Variants in HABP4 observed in about 807,000 individuals in gnomAD.
The protein encoded by HABP4 is hyaluronan binding protein 4, also known as intracellular hyaluronan-binding protein 4.
A neutral mutation model predicts 44.1 loss-of-function variants in HABP4; 32 were observed. The ratio of observed to expected loss-of-function variants is 0.73; its 90% confidence interval spans 0.55 to 0.97. The LOEUF (loss-of-function observed/expected upper bound fraction) is 0.97, where lower values mean the gene tolerates loss of function less well. HABP4 is among the 50% of genes least tolerant of loss of function. HABP4 has a pLI of 0.00. For missense variants in HABP4, 503 were observed against 561.9 expected, an observed-to-expected ratio of 0.90 and a Z score of 1.06; for synonymous variants, 216 against 218.0, an observed-to-expected ratio of 0.99 and a Z score of 0.08.
intron 5 of HABP4, among the ~76,000 whole-genome samples, chr9:96,478,791 C>A (rs146610780): frequency 4.6e-5 from 7 of 151,760 alleles, no homozygotes; most frequent in African/African-American, 1.7e-4. Flanking sequence ...CTCCTGATGT[C>A]CAGCTTATTT....
rs1356568410 is a variant in HABP4 at position 96,458,493 on chromosome 9, A to G, written c.464A>G (p.Glu155Gly). ...TCCTACAGGGAATACCGACCCTATG[A>G]GACAGAGAGGCAGGCAGACTTCACA... ...RRSYREYRPY[E>G]TERQADFTAE... The change falls in exon 2 of 8, where the codon GAG becomes GGG. Residue 155 changes from glutamate to glycine, a missense_variant. This residue lies in a region of HABP4 where 290 missense variants were observed against 300.5 expected (regional missense o/e 0.97). Transcript: ENST00000375249. 1.2e-6 allele frequency: 2 copies of G among 1,613,500 alleles called. No individual in the cohort carries two copies. The highest frequency in any genetic ancestry group is 1.7e-6 in the Non-Finnish European group (2 of 1,179,498).
At chr9:96,472,117 C>A (rs1035422212) in intron 5 of HABP4, among the ~76,000 whole-genome samples, 4 of 152,062 alleles carry the variant, frequency 2.6e-5, no homozygotes, top group Non-Finnish European at 5.9e-5. Context: ...CATGCGCCTT[C>A]AACTCTCTGG....
At chr9:96,456,775 AAAAAAATATATATATATATATATAT>A (rs1199451791) in intron 1 of HABP4, among the ~76,000 whole-genome samples, 1 of 69,040 alleles carries the variant, frequency 1.4e-5, no homozygotes, top group African/African-American at 6.3e-5. Flanking sequence ...AAAAAAAAAA[AAAAAAATATATATATATATATATAT>A]ATATATATAT....
chr9:96,452,363 A>G (rs746814923), intron 1 of HABP4, among the ~76,000 whole-genome samples: 2 of 152,158 alleles, frequency 1.3e-5, no homozygotes, highest in Non-Finnish European at 2.9e-5. Flanking sequence ...AAAATGTATG[A>G]GGTTAAGTGA....
At position 96,458,502 on chromosome 9, in the gene HABP4, G is replaced by A. The variant is rs758508171; in HGVS notation, c.473G>A (p.Arg158Lys). The stretch of plus-strand genomic sequence containing the variant: ...GAATACCGACCCTATGAGACAGAGA[G>A]GCAGGCAGACTTCACAGCTGAGAAG... Reference protein sequence around the residue: ...YREYRPYETERQADFTAEKFP... With the variant: ...YREYRPYETEKQADFTAEKFP... Residue 158 changes from arginine to lysine, a missense_variant, in exon 2 of 8, where the codon AGG becomes AAG. By Grantham distance (26) the Arg-to-Lys change is conservative. Coordinates refer to ENST00000375249, the MANE Select transcript of HABP4 (RefSeq NM_014282.4). 6 of 1,613,476 alleles carry A rather than the reference G, an allele frequency of 3.7e-6. No homozygotes were observed. In the Admixed American group the frequency reaches 1.0e-4, roughly 27 times the overall value.
intron 5 of HABP4, among the ~76,000 whole-genome samples, chr9:96,471,653 C>T (rs990946257): frequency 2.0e-5 from 3 of 152,126 alleles, no homozygotes; most frequent in Non-Finnish European, 4.4e-5. Context: ...TGTTAAATTC[C>T]TTGACTTGGA....
chr9:96,482,220 G>C (rs1392817246), intron 5 of HABP4, among the ~76,000 whole-genome samples: 2 of 152,160 alleles, frequency 1.3e-5, no homozygotes, highest in Non-Finnish European at 2.9e-5. Flanking sequence ...TTACAGGCTT[G>C]AGCCACTGTG....
rs1832253412 is a variant in HABP4 at position 96,450,600 on chromosome 9, T to A, written c.321T>A (p.Asp107Glu). Residue 107 changes from aspartate (D) to glutamate (E), a missense_variant, in exon 1 of 8, where the codon GAT (aspartate) becomes GAA (glutamate). Physicochemically the swap from Asp to Glu is conservative, Grantham distance 45. Transcript: ENST00000375249. This position sits in a 1 kb window ranked among gnomAD's most constrained non-coding sequence, Gnocchi z 4.8. ...SLPAPVAQRP[D>E]SPGGGLQAPG... The stretch of plus-strand genomic sequence containing the variant: ...CGGCGCCCGTCGCTCAGCGGCCCGA[T>A]AGCCCCGGGGGCGGCCTGCAGGCGC... The A allele has an allele frequency of 2.3e-6, 3 of 1,283,688 alleles. No individual in the cohort carries two copies. The highest frequency in any genetic ancestry group is 3.8e-5 in the Admixed American group (1 of 26,214). The allele number at this position is 1,283,688 out of a possible 1,614,324, so 79.5% of individuals were successfully genotyped here.
intron 5 of HABP4, among the ~76,000 whole-genome samples, chr9:96,480,839 T>G (rs1428826867): frequency 6.6e-6 from 1 of 152,244 alleles, no homozygotes; most frequent in Non-Finnish European, 1.5e-5. Flanking sequence ...ACATTACCAA[T>G]CACGCCAGAA....
intron 1 of HABP4, 34 bp from the exon 2 acceptor site, chr9:96,458,345 G>C: frequency 1.2e-6 from 2 of 1,605,536 alleles, no homozygotes; most frequent in Non-Finnish European, 1.7e-6. Flanking sequence ...CAGATGTTGT[G>C]TTCCAGCTCT....
chr9:96,487,063 C>T (rs1196579195), intron 6 of HABP4, among the ~76,000 whole-genome samples: 2 of 151,802 alleles, frequency 1.3e-5, no homozygotes, highest in East Asian at 3.8e-4. Context: ...TTTTTCTTCA[C>T]CTTTTTAGCA....
At chr9:96,471,488 C>T (rs1832697778) in intron 5 of HABP4, among the ~76,000 whole-genome samples, 1 of 152,054 alleles carries the variant, frequency 6.6e-6, no homozygotes, top group African/African-American at 2.4e-5. Flanking sequence ...AATCTCAACC[C>T]CTTATCCTAT....
chr9:96,463,707 G>A (rs766944361), intron 2 of HABP4, among the ~76,000 whole-genome samples: 6 of 152,176 alleles, frequency 3.9e-5, no homozygotes, highest in Non-Finnish European at 5.9e-5. Context: ...CTGGCATGAC[G>A]TTAATGATCA....
upstream of HABP4, chr9:96,450,152 T>G (rs2131103453): frequency 3.9e-4 from 332 of 858,798 alleles, no homozygotes; most frequent in East Asian, 1.0e-3. The surrounding 1 kb of genome is among the most constrained non-coding windows in gnomAD (Gnocchi z 4.8). Context: ...CGGGCGCCGG[T>G]AGGGGCCGGA....
chr9:96,475,311 G>A (rs965757409), intron 5 of HABP4, among the ~76,000 whole-genome samples: 1 of 149,742 alleles, frequency 6.7e-6, no homozygotes, highest in Admixed American at 6.7e-5. Flanking sequence ...AGGAGGTGGA[G>A]CTTGCAGTGA....
In HABP4 at chr9:96,488,042, G is replaced by A. The variant is rs1833005518; in HGVS notation, c.1000-47G>A. 2.3e-6 allele frequency: 3 copies of A among 1,326,624 alleles called. No individual in the cohort carries two copies. The highest frequency in any genetic ancestry group is 3.2e-6 in the Non-Finnish European group (3 of 925,102). 82.2% of individuals were successfully genotyped at this position (1,326,624 alleles called of 1,614,324 possible). A position where few individuals can be genotyped will look rare whatever the true frequency, so the allele number is the denominator to read the frequency against. Reference sequence around the variant, plus strand: ...CAGCCACTAAGCCAGATGAGTGTGGGGATGGCTGTGGACTTGTGCGTGTTT... The same window carrying A: ...CAGCCACTAAGCCAGATGAGTGTGGAGATGGCTGTGGACTTGTGCGTGTTT... On this transcript the variant is annotated intron_variant, in intron 6 of 7. Transcript: ENST00000375249. The surrounding 1 kb of genome is among the most constrained non-coding windows in gnomAD (Gnocchi z 4.6).
intron 4 of HABP4, among the ~76,000 whole-genome samples, chr9:96,468,916 G>A (rs1375725612): frequency 6.6e-6 from 1 of 152,230 alleles, no homozygotes; most frequent in Non-Finnish European, 1.5e-5. Flanking sequence ...TGAGAAGAAA[G>A]TGGAGGTGAG....
intron 2 of HABP4, among the ~76,000 whole-genome samples, chr9:96,458,968 T>G: frequency 6.6e-6 from 1 of 152,024 alleles, no homozygotes; most frequent in South Asian, 2.1e-4. Flanking sequence ...GTGGTACCAG[T>G]CCTAGGAATG....
At chr9:96,465,886 G>A in intron 4 of HABP4, 108 bp downstream of exon 4, 1 of 676,874 alleles carries the variant, frequency 1.5e-6, no homozygotes, top group South Asian at 1.7e-5. Context: ...ATACTTGTGT[G>A]CCCCTAAGTA....
Sources: allele counts gnomAD v4.1 joint callset (sites outside exome capture counted in the v4.1 genomes callset), GRCh38; gene constraint gnomAD v4.1.1; regional missense constraint gnomAD v4.1.1; non-coding constraint Gnocchi (gnomAD v3.1); transcripts MANE v1.5; gene names NCBI Gene and HGNC (gene_info 2026-07-23, HGNC 2026-07-21).